Variants in SORCS2 observed in about 807,000 individuals in gnomAD.
SORCS2 encodes the protein VPS10 domain-containing receptor SorCS2.
In SORCS2, 100 loss-of-function variants were observed where a neutral mutation model predicts 141.6. The ratio of observed to expected loss-of-function variants is 0.71; its 90% CI spans 0.60 to 0.83. The LOEUF is 0.83. Among genes scored for constraint, SORCS2 ranks in the 40% least tolerant of loss-of-function variants. SORCS2 has a pLI of 0.00. For missense variants in SORCS2, 1,646 were observed against 1,560.2 expected (o/e 1.05, Z -0.93); for synonymous variants, 789 against 676.9 (o/e 1.17, Z -2.57).
chr4:7,255,312 C>G (rs1713781732), intron 1 of SORCS2, among the ~76,000 whole-genome samples: 1 of 152,096 alleles, frequency 6.6e-6, no homozygotes, highest in Admixed American at 6.5e-5. Flanking sequence ...CGGCTTTCAT[C>G]TGGGACCTAA....
At chr4:7,726,754 C>T (rs746312758) in intron 20 of SORCS2, 26 bp from the exon 21 acceptor site, 3 of 1,611,064 alleles carry the variant, frequency 1.9e-6, no homozygotes, top group African/African-American at 2.7e-5. Flanking sequence ...TCGGCCAGGC[C>T]CCTAAGCCCT....
chr4:7,436,623 C>G (rs1727320850), intron 2 of SORCS2, among the ~76,000 whole-genome samples: 1 of 152,216 alleles, frequency 6.6e-6, no homozygotes, highest in Admixed American at 6.5e-5. Flanking sequence ...ATGATTGACC[C>G]ACGCTGCTGT....
rs1049378703 is a variant in SORCS2 at position 7,251,125 on chromosome 4, C to G, written c.480+57999C>G. Among the ~76,000 whole-genome samples, 6 of 152,256 alleles carry G rather than the reference C, an allele frequency of 3.9e-5. No individual in the cohort carries two copies. In the South Asian group the frequency reaches 8.3e-4, roughly 21 times the overall value. On this transcript the variant is annotated intron_variant, in intron 1 of 26. Coordinates refer to ENST00000507866, the MANE Select transcript of SORCS2 (RefSeq NM_020777.3). ...CTTTGATTTGCAGGTGACTGAAGCCCAATTCAAAGTAGCATGAGAAGAAAA... is the reference window on the plus strand; with the variant it reads ...CTTTGATTTGCAGGTGACTGAAGCCGAATTCAAAGTAGCATGAGAAGAAAA...
At chr4:7,733,846 C>T (rs1268701317) in intron 24 of SORCS2, among the ~76,000 whole-genome samples, 2 of 152,230 alleles carry the variant, frequency 1.3e-5, no homozygotes, top group Non-Finnish European at 1.5e-5. Context: ...CAGCCTCCAT[C>T]CCCAGTGGGA....
intron 3 of SORCS2, among the ~76,000 whole-genome samples, chr4:7,626,492 A>G (rs1177598964): frequency 6.6e-6 from 1 of 152,248 alleles, no homozygotes; most frequent in Non-Finnish European, 1.5e-5. Context: ...ACCCAGAAAC[A>G]AACAGTGCTG....
chr4:7,674,887 A>C (rs1723017950), intron 8 of SORCS2, among the ~76,000 whole-genome samples: 1 of 151,438 alleles, frequency 6.6e-6, no homozygotes, highest in Non-Finnish European at 1.5e-5. Flanking sequence ...CATCCCAGCC[A>C]CAGCTACACC....
chr4:7,602,577 C>A (rs1041470763), intron 3 of SORCS2, among the ~76,000 whole-genome samples: 1 of 150,090 alleles, frequency 6.7e-6, no homozygotes, highest in Non-Finnish European at 1.5e-5. Context: ...CGGGAAGAGG[C>A]GCTCCTCACT....
At chr4:7,216,345 C>T (rs12152570) in intron 1 of SORCS2, among the ~76,000 whole-genome samples, 48,056 of 152,054 alleles carry the variant, frequency 0.32, 8,290 homozygotes, top group Non-Finnish European at 0.39. Context: ...CAGTGGTAGA[C>T]GTAGGGGTCC....
intron 2 of SORCS2, among the ~76,000 whole-genome samples, chr4:7,435,418 C>A (rs981865251): frequency 1.3e-5 from 2 of 152,244 alleles, no homozygotes; most frequent in Non-Finnish European, 2.9e-5. Context: ...TCTAACGTGG[C>A]CTCAGGGCCA....
intron 1 of SORCS2, among the ~76,000 whole-genome samples, chr4:7,203,066 C>T (rs957545795): frequency 6.6e-6 from 1 of 152,204 alleles, no homozygotes; most frequent in African/African-American, 2.4e-5. Flanking sequence ...GACTTGCCCC[C>T]AGTCACACAG....
At chr4:7,603,994 G>A (rs192386535) in intron 3 of SORCS2, among the ~76,000 whole-genome samples, 9 of 152,168 alleles carry the variant, frequency 5.9e-5, no homozygotes, top group Admixed American at 3.3e-4. Flanking sequence ...ACTATGTTGC[G>A]TGTGACTCTG....
At chr4:7,724,890 TGGTG>T (rs1727063296) in intron 19 of SORCS2, among the ~76,000 whole-genome samples, 1 of 62,154 alleles carries the variant, frequency 1.6e-5, no homozygotes, top group African/African-American at 8.1e-5. Flanking sequence ...GTGGTGGTGT[TGGTG>T]ATGGTGGTGA....
intron 1 of SORCS2, among the ~76,000 whole-genome samples, chr4:7,305,192 C>T (rs1290375764): frequency 7.2e-5 from 11 of 152,136 alleles, no homozygotes; most frequent in South Asian, 2.1e-4. Context: ...CCACCGCGCC[C>T]GGCTAATTTT....
chr4:7,631,369 C>T (rs1438715080), intron 3 of SORCS2, among the ~76,000 whole-genome samples: 3 of 151,070 alleles, frequency 2.0e-5, no homozygotes, highest in Non-Finnish European at 4.4e-5. Flanking sequence ...CAGGCCTCGG[C>T]TTCAGGCAGA....
chr4:7,698,907 G>C (rs754289882), intron 12 of SORCS2, among the ~76,000 whole-genome samples: 11 of 152,104 alleles, frequency 7.2e-5, no homozygotes, highest in Non-Finnish European at 1.0e-4. Context: ...CCAGGCAGGG[G>C]CAGAGTGGGA....
chr4:7,233,230 C>T lies in SORCS2; in HGVS notation c.480+40104C>T, dbSNP rs1049499820. Among the ~76,000 whole-genome samples, 8 of 152,160 alleles carry T rather than the reference C, an allele frequency of 5.3e-5. No homozygotes were observed. The highest frequency in any genetic ancestry group is 1.9e-4 in the East Asian group (1 of 5,190). ...AGCCTTCCAGAGCAGGGGGAGGCGT[C>T]GGCCAGCCCTGAGAACTAGGAAGGG... On this transcript the variant is annotated intron_variant, in intron 1 of 26. Coordinates refer to ENST00000507866, the MANE Select transcript of SORCS2 (RefSeq NM_020777.3). The surrounding 1 kb of genome is among the most constrained non-coding windows in gnomAD (Gnocchi z 4.5).
intron 2 of SORCS2, among the ~76,000 whole-genome samples, chr4:7,422,776 C>T (rs1257002783): frequency 2.0e-5 from 3 of 152,200 alleles, no homozygotes. Flanking sequence ...CTGCGCCTGC[C>T]CTTGTCCCCG....
At chr4:7,728,879 G>C (rs1184927885) in intron 22 of SORCS2, among the ~76,000 whole-genome samples, 1 of 152,196 alleles carries the variant, frequency 6.6e-6, no homozygotes, top group Admixed American at 6.5e-5. Flanking sequence ...GAGCTCCCGG[G>C]TGGCAGACAT....
intron 2 of SORCS2, among the ~76,000 whole-genome samples, chr4:7,437,739 G>T (rs193239967): frequency 6.6e-6 from 1 of 152,198 alleles, no homozygotes; most frequent in Non-Finnish European, 1.5e-5. Context: ...CCATGGCGGG[G>T]ATGATGTTGG....
Sources: allele counts gnomAD v4.1 joint callset (sites outside exome capture counted in the v4.1 genomes callset), GRCh38; gene constraint gnomAD v4.1.1; non-coding constraint Gnocchi (gnomAD v3.1); transcripts MANE v1.5; gene names NCBI Gene and HGNC (gene_info 2026-07-23, HGNC 2026-07-21).